Variants in KIF26B observed in about 807,000 individuals in gnomAD.
KIF26B encodes kinesin family member 26B.
A neutral mutation model predicts 151.2 loss-of-function variants in KIF26B; 63 were observed. The observed-to-expected ratio is 0.42, with a 90% CI of 0.34 to 0.51. The LOEUF (loss-of-function observed/expected upper bound fraction) is 0.51. Ranked by LOEUF, KIF26B falls within the 20% of genes least tolerant of loss-of-function variation. The pLI is 0.07. For missense variants in KIF26B, 2,813 were observed against 2,913.6 expected (o/e 0.97, Z 0.79); for synonymous variants, 1,357 against 1,262.1 (o/e 1.08, Z -1.59).
intron 2 of KIF26B, among the ~76,000 whole-genome samples, chr1:245,312,695 A>G (rs1174130891): frequency 6.6e-6 from 1 of 152,188 alleles, no homozygotes; most frequent in African/African-American, 2.4e-5. Context: ...GTTACGTGAC[A>G]TGCCCAAGTT....
intron 4 of KIF26B, among the ~76,000 whole-genome samples, chr1:245,428,994 G>A (rs1025238363): frequency 6.0e-5 from 9 of 150,738 alleles, no homozygotes; most frequent in Non-Finnish European, 1.2e-4. Context: ...GGGGGTGGGG[G>A]GCAGTGGTTA....
intron 4 of KIF26B, among the ~76,000 whole-genome samples, chr1:245,472,340 G>T (rs13374753): frequency 0.086 from 13,121 of 152,190 alleles, 620 homozygotes; most frequent in South Asian, 0.13. Flanking sequence ...TTCACCAGTG[G>T]ACTCTTGGCT....
chr1:245,372,979 T>A (rs1276456743), intron 3 of KIF26B, among the ~76,000 whole-genome samples: 1 of 152,204 alleles, frequency 6.6e-6, no homozygotes, highest in Non-Finnish European at 1.5e-5. Flanking sequence ...GGCGTGAAAA[T>A]ATTTTATGAA....
At chr1:245,640,132 T>TCTCTCTCTCTCTCTCTCTCC (rs1558247438) in intron 9 of KIF26B, among the ~76,000 whole-genome samples, 1 of 65,292 alleles carries the variant, frequency 1.5e-5, no homozygotes, top group African/African-American at 6.4e-5. Context: ...GCTCTCTCTC[T>TCTCTCTCTCTCTCTCTCTCC]CTCTCTCTCT....
intron 7 of KIF26B, among the ~76,000 whole-genome samples, chr1:245,608,164 G>C (rs2043477844): frequency 1.3e-5 from 2 of 152,282 alleles, no homozygotes; most frequent in African/African-American, 4.8e-5. Context: ...AAAGCCCAGA[G>C]CCCAGGGCGC....
At chr1:245,646,070 A>C in intron 9 of KIF26B, 51 bp from the exon 10 acceptor site, 1 of 1,578,020 alleles carries the variant, frequency 6.3e-7, no homozygotes. Context: ...AGAACAGATG[A>C]GTGTTTGTCA....
intron 10 of KIF26B, among the ~76,000 whole-genome samples, chr1:245,647,298 A>G (rs1339251271): frequency 6.6e-6 from 1 of 151,440 alleles, no homozygotes; most frequent in South Asian, 2.1e-4. Context: ...GGTGGTGGGC[A>G]CCTGTAGTCC....
In KIF26B at chr1:245,364,954, G is replaced by A. The variant is rs74742932; in HGVS notation, c.466-1880G>A. On this transcript the variant is annotated intron_variant, in intron 2 of 14. Coordinates refer to ENST00000407071, the MANE Select transcript of KIF26B (RefSeq NM_018012.4). ...AATGAACATTTCCTAGTGAAAACAT[G>A]GGGCTGGAACCCTTCTGTGTCCGTG... Among the ~76,000 whole-genome samples the A allele has an allele frequency of 1.5e-3, 231 of 152,302 alleles. 1 individual carries two copies. Among genetic ancestry groups the A allele is most frequent in the African/African-American group, 5.4e-3 (224 of 41,584 alleles).
Position 245,359,219 on chromosome 1 carries a change from A to G in KIF26B, c.466-7615A>G, listed in dbSNP as rs145580837. Among the ~76,000 whole-genome samples the G allele has an allele frequency of 9.1e-3, 1,385 of 152,070 alleles. 21 individuals carry two copies. The highest frequency in any genetic ancestry group is 0.04 in the East Asian group (207 of 5,174). On this transcript the variant is annotated intron_variant, in intron 2 of 14. Transcript: ENST00000407071. ...TTTTTAGTAGAGACGGGGTTTCACT[A>G]TGTTGGCCAGGCTGGTCTCGAACTC... is the stretch of plus-strand genomic sequence containing the variant.
chr1:245,238,936 A>C (rs996724155), intron 2 of KIF26B, among the ~76,000 whole-genome samples: 7 of 152,026 alleles, frequency 4.6e-5, no homozygotes, highest in Non-Finnish European at 1.0e-4. Flanking sequence ...CTAAATGCTT[A>C]GTCTCAATTT....
chr1:245,706,245 G>C lies in KIF26B; in HGVS notation c.*3639G>C, dbSNP rs2044839640. 6.6e-6 allele frequency: 1 copy of C among 152,046 alleles called. No individual in the cohort carries two copies. The highest frequency in any genetic ancestry group is 2.4e-5 in the African/African-American group (1 of 41,460). 9.4% of individuals were successfully genotyped at this position (152,046 alleles called of 1,614,324 possible). On this transcript the variant is annotated 3_prime_UTR_variant, in exon 15 of 15. Coordinates refer to ENST00000407071, the MANE Select transcript of KIF26B (RefSeq NM_018012.4). ...ATACGCACCTACAAGTCTCACGCTT[G>C]CTGCTCAGACTTTCTGATAAAATCT...
intron 2 of KIF26B, among the ~76,000 whole-genome samples, chr1:245,362,364 T>TAAA (rs775148578): frequency 3.6e-5 from 3 of 82,556 alleles, no homozygotes; most frequent in Non-Finnish European, 7.5e-5. Flanking sequence ...CCGTCTCTAC[T>TAAA]AAAAAAAAAA....
Position 245,686,228 on chromosome 1 carries a change from C to T in KIF26B, c.3245C>T (p.Pro1082Leu). ...TCCAAGACCTCGGAGTACAAGCCAC[C>T]CAGCTCTCCTTCCCAGAGATGCAAA... Reference protein sequence around the residue: ...SLSKTSEYKPPSSPSQRCKVY... With the variant: ...SLSKTSEYKPLSSPSQRCKVY... Residue 1082 changes from proline to leucine, a missense_variant, in exon 12 of 15, where the codon CCC becomes CTC. Physicochemically the swap from Pro to Leu is moderately conservative, Grantham distance 98. Around this residue, in one of 3 missense-constraint regions of KIF26B, gnomAD observed 2,060 missense variants for 2,088.6 expected, o/e 0.99. Transcript: ENST00000407071. This position sits in a 1 kb window ranked among gnomAD's most constrained non-coding sequence, Gnocchi z 5.6. 5.0e-6 allele frequency: 8 copies of T among 1,612,716 alleles called. No individual in the cohort carries two copies. Among genetic ancestry groups the T allele is most frequent in the Non-Finnish European group, 2.5e-6 (3 of 1,179,884 alleles).
Position 245,602,758 on chromosome 1 carries a change from C to T in KIF26B, c.1532C>T (p.Ala511Val). The part of the protein sequence containing the change: ...QVPPKMFAFD[A>V]VFPQDASQAE... ...CCTCCAAAGATGTTTGCCTTCGATGCAGTTTTTCCACAAGACGCTTCTCAG... is the reference window on the plus strand; with the variant it reads ...CCTCCAAAGATGTTTGCCTTCGATGTAGTTTTTCCACAAGACGCTTCTCAG... Residue 511 changes from alanine to valine, a missense_variant, in exon 6 of 15, where the codon GCA becomes GTA. Coordinates refer to ENST00000407071, the MANE Select transcript of KIF26B (RefSeq NM_018012.4). This position sits in a 1 kb window ranked among gnomAD's most constrained non-coding sequence, Gnocchi z 4.5. The T allele has an allele frequency of 6.2e-7, 1 of 1,613,846 alleles. No homozygotes were observed. The highest frequency in any genetic ancestry group is 8.5e-7 in the Non-Finnish European group (1 of 1,179,896).
chr1:245,684,433 G>A (rs1248724022), intron 11 of KIF26B, 38 bp downstream of exon 11: 1 of 1,533,818 alleles, frequency 6.5e-7, no homozygotes, highest in Middle Eastern at 1.7e-4. Context: ...GTGGATGAGG[G>A]AGCCTTTGGA....
At chr1:245,599,479 T>C (rs1462838308) in intron 5 of KIF26B, among the ~76,000 whole-genome samples, 1 of 152,208 alleles carries the variant, frequency 6.6e-6, no homozygotes, top group Non-Finnish European at 1.5e-5. Flanking sequence ...TCTGGACCAA[T>C]GACTCACTCA....
rs748062135 is a variant in KIF26B at position 245,686,408 on chromosome 1, C to T, written c.3425C>T (p.Ala1142Val). Reference protein sequence around the residue: ...SPQVLKKSMSAGSEGFPETPV... With the variant: ...SPQVLKKSMSVGSEGFPETPV... Reference sequence around the variant, plus strand: ...CAGGTTTTGAAAAAATCCATGTCTGCTGGGAGCGAAGGGTTCCCGGAAACT... The same window carrying T: ...CAGGTTTTGAAAAAATCCATGTCTGTTGGGAGCGAAGGGTTCCCGGAAACT... Residue 1142 changes from alanine (A) to valine (V), a missense_variant, in exon 12 of 15, where the codon GCT (alanine) becomes GTT (valine). Ala to Val is a moderately conservative substitution (Grantham distance 64). This residue lies in a region of KIF26B where 2,060 missense variants were observed against 2,088.6 expected (regional missense o/e 0.99). Transcript: ENST00000407071. This position sits in a 1 kb window ranked among gnomAD's most constrained non-coding sequence, Gnocchi z 5.6. The T allele has an allele frequency of 2.5e-6, 4 of 1,613,342 alleles. No homozygotes were observed. Among genetic ancestry groups the T allele is most frequent in the Non-Finnish European group, 3.4e-6 (4 of 1,179,904 alleles).
intron 2 of KIF26B, among the ~76,000 whole-genome samples, chr1:245,287,962 G>T (rs11581472): frequency 0.07 from 10,550 of 150,816 alleles, 614 homozygotes; most frequent in African/African-American, 0.16. Flanking sequence ...GGTACTCCAA[G>T]AGTACTATGA....
At chr1:245,385,516 G>A (rs1673521992) in intron 3 of KIF26B, among the ~76,000 whole-genome samples, 1 of 152,208 alleles carries the variant, frequency 6.6e-6, no homozygotes, top group Non-Finnish European at 1.5e-5. Context: ...TACCCTGAAT[G>A]TACATGCCTG....
Sources: allele counts gnomAD v4.1 joint callset (sites outside exome capture counted in the v4.1 genomes callset), GRCh38; gene constraint gnomAD v4.1.1; regional missense constraint gnomAD v4.1.1; non-coding constraint Gnocchi (gnomAD v3.1); transcripts MANE v1.5; gene names NCBI Gene and HGNC (gene_info 2026-07-23, HGNC 2026-07-21).